THSD7B: variants seen among roughly 807,000 people sequenced by gnomAD.
THSD7B encodes the protein thrombospondin type 1 domain containing 7B.
Under a neutral mutation model 213.6 loss-of-function variants are expected in THSD7B, and 138 were observed. That is an observed-to-expected ratio of 0.65 (90% CI 0.56 to 0.74). The LOEUF is 0.74. Ranked by LOEUF, THSD7B falls within the 30% of genes least tolerant of loss-of-function variation. The pLI is 0.00. For missense variants in THSD7B, 1,931 were observed against 1,991.5 expected, an observed-to-expected ratio of 0.97 and a Z score of 0.58; for synonymous variants, 742 against 687.0, an observed-to-expected ratio of 1.08 and a Z score of -1.25.
intron 6 of THSD7B, among the ~76,000 whole-genome samples, chr2:137,160,580 A>C (rs983489761): frequency 2.6e-5 from 4 of 152,184 alleles, no homozygotes; most frequent in African/African-American, 9.7e-5. Flanking sequence ...AGTTAGACTC[A>C]TAGCTGACTA....
chr2:137,500,799 G>A (rs759985093), intron 15 of THSD7B, among the ~76,000 whole-genome samples: 4 of 152,162 alleles, frequency 2.6e-5, no homozygotes, highest in Non-Finnish European at 5.9e-5. Context: ...TGCACATGAA[G>A]AGCACATATT....
At chr2:137,359,778 T>C (rs1685212931) in intron 12 of THSD7B, among the ~76,000 whole-genome samples, 1 of 152,214 alleles carries the variant, frequency 6.6e-6, no homozygotes. Context: ...TTTTGTTCTC[T>C]TTTAAGATTC....
At position 137,198,021 on chromosome 2, in the gene THSD7B, G is replaced by A. The variant is rs114252437; in HGVS notation, c.1723+27083G>A. On this transcript the variant is annotated intron_variant, in intron 7 of 27. Transcript: ENST00000409968. ...GTTCATTTTTTATTTTCAAGGAGTA[G>A]CAAGTACATCTTTCATGCCTCTGTG... 1.6e-3 allele frequency among the ~76,000 whole-genome samples: 237 copies of A among 152,226 alleles called. 2 individuals are homozygous for A. Among genetic ancestry groups the A allele is most frequent in the Non-Finnish European group, 1.7e-3 (115 of 68,018 alleles).
At chr2:137,125,156 TCTCCACTG>T (rs905695314) in intron 5 of THSD7B, among the ~76,000 whole-genome samples, 7 of 152,178 alleles carry the variant, frequency 4.6e-5, no homozygotes, top group African/African-American at 1.7e-4. Context: ...CTCAGAGTCT[TCTCCACTG>T]CTCCAAAATT....
chr2:137,267,451 A>G (rs762179159), intron 10 of THSD7B, among the ~76,000 whole-genome samples: 1 of 152,138 alleles, frequency 6.6e-6, no homozygotes, highest in African/African-American at 2.4e-5. Flanking sequence ...TTAGAAGGGA[A>G]GAAGTATTCC....
chr2:137,610,715 T>C (rs10179674), intron 17 of THSD7B, among the ~76,000 whole-genome samples: 5,603 of 152,182 alleles, frequency 0.037, 330 homozygotes, highest in African/African-American at 0.13. Flanking sequence ...GGAAGAGATA[T>C]GCCTAAAAAA....
intron 15 of THSD7B, among the ~76,000 whole-genome samples, chr2:137,533,100 T>C (rs1158429963): frequency 6.6e-6 from 1 of 151,612 alleles, no homozygotes; most frequent in Non-Finnish European, 1.5e-5. Context: ...TTCTTAACAA[T>C]GTAGCTTAGA....
At chr2:137,227,511 T>C (rs1681536142) in intron 7 of THSD7B, among the ~76,000 whole-genome samples, 2 of 152,208 alleles carry the variant, frequency 1.3e-5, no homozygotes, top group South Asian at 4.1e-4. Flanking sequence ...TTATTTTCCA[T>C]GCTTGCCTGA....
At chr2:137,231,017 C>T in intron 7 of THSD7B, 27 bp from the exon 8 acceptor site, 1 of 1,602,526 alleles carries the variant, frequency 6.2e-7, no homozygotes, top group Non-Finnish European at 8.5e-7. Context: ...CATTAATCAC[C>T]AACTGTCTTG....
At chr2:137,228,556 C>G (rs567248856) in intron 7 of THSD7B, among the ~76,000 whole-genome samples, 1 of 152,086 alleles carries the variant, frequency 6.6e-6, no homozygotes, top group South Asian at 2.1e-4. Flanking sequence ...TAGTCTTTCT[C>G]TTCTCATCAT....
At chr2:137,103,773 T>TAA (rs199824921) in intron 4 of THSD7B, among the ~76,000 whole-genome samples, 1 of 150,502 alleles carries the variant, frequency 6.6e-6, no homozygotes, top group African/African-American at 2.4e-5. Flanking sequence ...CCAACAAAGA[T>TAA]AAAAAAAATC....
chr2:136,981,239 C>T (rs1685572085), intron 2 of THSD7B, among the ~76,000 whole-genome samples: 1 of 152,112 alleles, frequency 6.6e-6, no homozygotes. Context: ...TCTCAGTGGC[C>T]TTAGCCTTGT....
intron 4 of THSD7B, among the ~76,000 whole-genome samples, chr2:137,099,682 T>C (rs1345694311): frequency 6.6e-6 from 1 of 152,182 alleles, no homozygotes; most frequent in Non-Finnish European, 1.5e-5. Flanking sequence ...TAAATGATCA[T>C]TTAGAGTATG....
At chr2:137,300,599 T>C (rs1683575012) in intron 12 of THSD7B, among the ~76,000 whole-genome samples, 1 of 152,144 alleles carries the variant, frequency 6.6e-6, no homozygotes, top group African/African-American at 2.4e-5. Context: ...AGGGAATAAG[T>C]TGTCCCCAAC....
rs1686379236 is a variant in THSD7B, at chr2:137,018,268, A to T, written c.140-38152A>T. ...ATTCTCATTTAAAAAATTGCAAAAT[A>T]AGACAACAAAGTATATTTATTTATT... On this transcript the variant is annotated intron_variant, in intron 2 of 27. Coordinates refer to ENST00000409968, the MANE Select transcript of THSD7B (RefSeq NM_001316349.2). Among the ~76,000 whole-genome samples, 3 of 152,134 alleles carry T rather than the reference A, an allele frequency of 2.0e-5. 1 individual carries two copies. The South Asian group carries it at 6.2e-4, about 32-fold the overall frequency.
At chr2:137,327,984 G>A (rs538857832) in intron 12 of THSD7B, among the ~76,000 whole-genome samples, 84 of 152,228 alleles carry the variant, frequency 5.5e-4, no homozygotes, top group African/African-American at 2.0e-3. Context: ...CACCACTGAG[G>A]CAAAGAATTA....
intron 20 of THSD7B, among the ~76,000 whole-genome samples, chr2:137,627,896 A>C (rs1226054508): frequency 6.6e-6 from 1 of 152,246 alleles, no homozygotes; most frequent in Non-Finnish European, 1.5e-5. Context: ...CAATTGTTTT[A>C]AGAGGCAGTC....
intron 5 of THSD7B, among the ~76,000 whole-genome samples, chr2:137,150,523 G>A (rs1026947183): frequency 1.3e-5 from 2 of 152,108 alleles, no homozygotes; most frequent in Admixed American, 6.5e-5. Context: ...ACTTCTCCTT[G>A]TTGCTGCCAT....
At chr2:136,803,727 A>G (rs1682230600) in intron 1 of THSD7B, among the ~76,000 whole-genome samples, 1 of 152,184 alleles carries the variant, frequency 6.6e-6, no homozygotes, top group African/African-American at 2.4e-5. Flanking sequence ...TTCACGCTGA[A>G]GAACATGGAA....
Sources: allele counts gnomAD v4.1 joint callset (sites outside exome capture counted in the v4.1 genomes callset), GRCh38; gene constraint gnomAD v4.1.1; transcripts MANE v1.5; gene names NCBI Gene and HGNC (gene_info 2026-07-23, HGNC 2026-07-21).